ROBO1: variants seen among roughly 807,000 people sequenced by gnomAD.
ROBO1 encodes the protein roundabout guidance receptor 1.
In ROBO1, 149 loss-of-function variants were observed where a neutral mutation model predicts 195.9. The ratio of observed to expected loss-of-function variants is 0.76; its 90% confidence interval spans 0.67 to 0.87. The LOEUF (loss-of-function observed/expected upper bound fraction) is 0.87. Ranked by LOEUF, ROBO1 falls within the 40% of genes least tolerant of loss-of-function variation. ROBO1 has a pLI of 0.00. For synonymous variants in ROBO1, 816 were observed against 733.2 expected (o/e 1.11, Z -1.82); for missense variants, 1,933 against 2,068.3 (o/e 0.93, Z 1.27).
At chr3:78,894,733 TTGTGGCTGCCATA>T (rs1331551983) in intron 4 of ROBO1, among the ~76,000 whole-genome samples, 3 of 152,182 alleles carry the variant, frequency 2.0e-5, no homozygotes, top group African/African-American at 4.8e-5. Context: ...GTTCTGCCCA[TTGTGGCTGCCATA>T]TGTGGCTGCA....
chr3:79,505,404 G>C (rs1940337277), intron 2 of ROBO1, among the ~76,000 whole-genome samples: 1 of 152,140 alleles, frequency 6.6e-6, no homozygotes, highest in East Asian at 1.9e-4. Context: ...ACACAGCTTA[G>C]ATCGAACAAA....
chr3:79,650,034 A>T (rs993948116), intron 1 of ROBO1, among the ~76,000 whole-genome samples: 30 of 152,204 alleles, frequency 2.0e-4, no homozygotes, highest in African/African-American at 7.0e-4. Flanking sequence ...TTTCTAAGAC[A>T]CTTTGAACAA....
chr3:79,183,095 A>AAAAAAAAAAAAAAAAT (rs2081375619), intron 2 of ROBO1, among the ~76,000 whole-genome samples: 1 of 151,914 alleles, frequency 6.6e-6, no homozygotes, highest in African/African-American at 2.4e-5. Flanking sequence ...AAAAAAAAAA[A>AAAAAAAAAAAAAAAAT]AAGATACATA....
At chr3:78,945,689 G>C (rs923413082) in intron 3 of ROBO1, among the ~76,000 whole-genome samples, 2 of 152,170 alleles carry the variant, frequency 1.3e-5, no homozygotes, top group African/African-American at 4.8e-5. Context: ...GACAAATTGA[G>C]AGAAGAAGGC....
At position 78,598,998 on chromosome 3, in the gene ROBO1, C is replaced by CATT. The variant is rs1207132755; in HGVS notation, c.4942-74_4942-72dup. On this transcript the variant is annotated intron_variant, in intron 30 of 30. Coordinates refer to ENST00000464233, the MANE Select transcript of ROBO1 (RefSeq NM_002941.4). ...GGATTGTGTTATATTTATTTATATG[C>CATT]ATTTATTATTATTATAATTTAATGT... 8.2e-6 allele frequency: 7 copies of CATT among 855,064 alleles called. No individual in the cohort carries two copies. In the African/African-American group the frequency reaches 1.2e-4, roughly 15 times the overall value. The allele number at this position is 855,064 out of a possible 1,614,324, so 53.0% of individuals were successfully genotyped here.
At chr3:79,118,464 C>T (rs773737477) in intron 3 of ROBO1, among the ~76,000 whole-genome samples, 1 of 151,946 alleles carries the variant, frequency 6.6e-6, no homozygotes, top group African/African-American at 2.4e-5. Context: ...ATAAATTCTA[C>T]CTTATGGATG....
chr3:79,280,986 C>T (rs2031466924), intron 2 of ROBO1, among the ~76,000 whole-genome samples: 1 of 151,812 alleles, frequency 6.6e-6, no homozygotes, highest in Non-Finnish European at 1.5e-5. Flanking sequence ...GTTGGAGACC[C>T]CTGTGTTAGA....
chr3:78,817,880 T>A (rs1019529514), intron 4 of ROBO1, among the ~76,000 whole-genome samples: 3 of 152,164 alleles, frequency 2.0e-5, no homozygotes, highest in Non-Finnish European at 2.9e-5. Context: ...GGTGAATATC[T>A]CAGACTTAGG....
chr3:79,685,957 A>C (rs1947094813), intron 1 of ROBO1, among the ~76,000 whole-genome samples: 2 of 152,178 alleles, frequency 1.3e-5, no homozygotes, highest in African/African-American at 4.8e-5. Flanking sequence ...GATGAAAGCC[A>C]ATGCAAAAAT....
In ROBO1 at chr3:78,900,755, A is replaced by T. The variant is rs186209454; in HGVS notation, c.499+37846T>A. Among the ~76,000 whole-genome samples the T allele has an allele frequency of 1.1e-3, 160 of 151,836 alleles. 4 individuals carry two copies. The highest frequency in any genetic ancestry group is 3.0e-3 in the Admixed American group (46 of 15,262). On this transcript the variant is annotated intron_variant, in intron 4 of 30. Transcript: ENST00000464233. ...TTAATATTATCTTTAAAACAAAAAA[A>T]TATATATATATTGAGTCCCAGAATA...
At chr3:79,190,805 G>A (rs991232900) in intron 2 of ROBO1, among the ~76,000 whole-genome samples, 1 of 151,462 alleles carries the variant, frequency 6.6e-6, no homozygotes, top group Non-Finnish European at 1.5e-5. Flanking sequence ...CATCTCATGC[G>A]GATTATGTTC....
intron 2 of ROBO1, among the ~76,000 whole-genome samples, chr3:79,217,496 T>C (rs1256012927): frequency 6.6e-6 from 1 of 152,064 alleles, no homozygotes; most frequent in Non-Finnish European, 1.5e-5. Context: ...GCCTAACTCA[T>C]GGCTCTTAAA....
intron 2 of ROBO1, among the ~76,000 whole-genome samples, chr3:79,475,121 G>T (rs1002101295): frequency 2.6e-5 from 4 of 151,544 alleles, no homozygotes; most frequent in African/African-American, 9.7e-5. Flanking sequence ...AGGAATGATA[G>T]TATTAAAGTA....
intron 2 of ROBO1, among the ~76,000 whole-genome samples, chr3:79,306,557 C>T (rs1359603157): frequency 6.6e-6 from 1 of 152,180 alleles, no homozygotes; most frequent in African/African-American, 2.4e-5. Flanking sequence ...GTACCTGGGG[C>T]TCCGGCTTCT....
chr3:79,472,663 G>A (rs1462058553), intron 2 of ROBO1, among the ~76,000 whole-genome samples: 1 of 152,142 alleles, frequency 6.6e-6, no homozygotes, highest in East Asian at 1.9e-4. Context: ...GGGGACATTC[G>A]AAAACCAATT....
At chr3:78,893,436 C>T (rs1016280606) in intron 4 of ROBO1, among the ~76,000 whole-genome samples, 2 of 152,174 alleles carry the variant, frequency 1.3e-5, no homozygotes, top group Non-Finnish European at 2.9e-5. Flanking sequence ...ACCAAACTGG[C>T]TGATGCCTTG....
chr3:79,090,649 A>T (rs929495286), intron 3 of ROBO1, among the ~76,000 whole-genome samples: 1 of 152,038 alleles, frequency 6.6e-6, no homozygotes, highest in Non-Finnish European at 1.5e-5. Flanking sequence ...TACCTCTATG[A>T]GTTTGGGCCT....
intron 2 of ROBO1, among the ~76,000 whole-genome samples, chr3:79,309,508 A>T (rs2033383611): frequency 6.6e-6 from 1 of 152,150 alleles, no homozygotes; most frequent in Non-Finnish European, 1.5e-5. Context: ...GGGTGGCTAA[A>T]GTGTGAGGAT....
chr3:79,687,088 A>T (rs954618619), intron 1 of ROBO1, among the ~76,000 whole-genome samples: 2 of 152,174 alleles, frequency 1.3e-5, no homozygotes, highest in African/African-American at 4.8e-5. Context: ...CTGATCTTTG[A>T]CAAACCTGAG....
Sources: gnomAD v4.1 joint callset for allele counts (sites outside exome capture counted in the v4.1 genomes callset) on GRCh38, gnomAD v4.1.1 for gene constraint, MANE v1.5 for transcripts, NCBI Gene and HGNC (gene_info 2026-07-23, HGNC 2026-07-21) for gene names.